The following RBPMS variants were observed in gnomAD, a reference collection of about 807,000 sequenced individuals.
RBPMS encodes RNA-binding protein with multiple splicing.
A neutral mutation model predicts 26.8 loss-of-function variants in RBPMS; 7 were observed. The ratio of observed to expected loss-of-function variants is 0.26; its 90% CI spans 0.15 to 0.49. The LOEUF is 0.49. Among genes scored for constraint, RBPMS ranks in the 20% least tolerant of loss-of-function variants. RBPMS has a pLI of 0.98. For missense variants in RBPMS, 186 were observed against 250.0 expected (o/e 0.74, Z 1.73); for synonymous variants, 96 against 93.3 (o/e 1.03, Z -0.17).
intron 7 of RBPMS, among the ~76,000 whole-genome samples, chr8:30,562,310 G>A (rs1166904115): frequency 2.8e-5 from 4 of 140,904 alleles, no homozygotes; most frequent in African/African-American, 7.9e-5. Context: ...TGGCCTGGGC[G>A]ACAGAGCAAG....
At chr8:30,503,549 A>G (rs180716018) in intron 4 of RBPMS, among the ~76,000 whole-genome samples, 90 of 150,460 alleles carry the variant, frequency 6.0e-4, no homozygotes, top group Admixed American at 1.1e-3. Flanking sequence ...ATGAGCCACA[A>G]CGCCCTGCCT....
chr8:30,499,473 G>T (rs1344299289), intron 4 of RBPMS, among the ~76,000 whole-genome samples: 1 of 152,028 alleles, frequency 6.6e-6, no homozygotes, highest in Non-Finnish European at 1.5e-5. Flanking sequence ...GAGAAACTTG[G>T]CAAATGATCA....
At chr8:30,453,890 T>G (rs1453986773) in intron 1 of RBPMS, 1 of 152,230 alleles carries the variant, frequency 6.6e-6, no homozygotes, top group Non-Finnish European at 1.5e-5. Context: ...CAAATGTGCT[T>G]GATCAGGAAG....
chr8:30,445,674 ATG>A (rs1813675390), intron 1 of RBPMS, among the ~76,000 whole-genome samples: 1 of 139,392 alleles, frequency 7.2e-6, no homozygotes. Context: ...ATATATATAT[ATG>A]TATTTTCCTG....
At position 30,456,261 on chromosome 8, in the gene RBPMS, C is replaced by T. The variant is rs565325730; in HGVS notation, c.67-18518C>T. ...AAATTTCTGATGAGTGGTATACTCT[C>T]CAGCAAAGATGAAGATATTTGGGCA... is the stretch of plus-strand genomic sequence containing the variant. On this transcript the variant is annotated intron_variant, in intron 1 of 8. Coordinates refer to ENST00000397323, the MANE Select transcript of RBPMS (RefSeq NM_001008710.3). 2.0e-5 allele frequency among the ~76,000 whole-genome samples: 3 copies of T among 152,198 alleles called. No homozygotes were observed. The South Asian group carries it at 6.2e-4, about 32-fold the overall frequency.
intron 1 of RBPMS, among the ~76,000 whole-genome samples, chr8:30,411,895 A>T (rs1359572134): frequency 2.0e-5 from 3 of 151,120 alleles, no homozygotes; most frequent in Non-Finnish European, 2.9e-5. Flanking sequence ...CTGAGGCAGG[A>T]GAATTGCTTG....
At chr8:30,498,289 CAG>C (rs1290460581) in intron 4 of RBPMS, among the ~76,000 whole-genome samples, 18 of 151,980 alleles carry the variant, frequency 1.2e-4, no homozygotes, top group Admixed American at 1.2e-3. Flanking sequence ...TTCAGTATCT[CAG>C]AAAGTCAAAG....
intron 4 of RBPMS, among the ~76,000 whole-genome samples, chr8:30,497,313 C>T (rs543137618): frequency 1.6e-4 from 25 of 152,226 alleles, no homozygotes; most frequent in Admixed American, 7.2e-4. Context: ...GAGGCTGAGG[C>T]AGGCAGATCA....
intron 8 of RBPMS, 45 bp downstream of exon 8, chr8:30,566,405 C>A: frequency 1.5e-6 from 1 of 648,252 alleles, no homozygotes; most frequent in Non-Finnish European, 1.9e-6. Flanking sequence ...GGCGGCATGG[C>A]GAACACGTGG....
At chr8:30,464,056 A>G (rs560009008) in intron 1 of RBPMS, among the ~76,000 whole-genome samples, 2 of 152,324 alleles carry the variant, frequency 1.3e-5, no homozygotes, top group South Asian at 4.1e-4. Flanking sequence ...TGACAGGCTT[A>G]GGCAGGAGGA....
chr8:30,500,560 A>G (rs1337051377), intron 4 of RBPMS, among the ~76,000 whole-genome samples: 10 of 152,188 alleles, frequency 6.6e-5, no homozygotes, highest in Non-Finnish European at 1.2e-4. Context: ...TTATTGTACC[A>G]CATAACCAAG....
intron 2 of RBPMS, among the ~76,000 whole-genome samples, chr8:30,475,379 C>G (rs535195166): frequency 6.6e-6 from 1 of 152,190 alleles, no homozygotes; most frequent in East Asian, 1.9e-4. Context: ...CCAAGCACTT[C>G]GTAGAAACTA....
intron 5 of RBPMS, among the ~76,000 whole-genome samples, chr8:30,511,589 AT>A (rs1821716833): frequency 6.8e-6 from 1 of 147,758 alleles, no homozygotes; most frequent in South Asian, 2.1e-4. Context: ...ATGTGTATAG[AT>A]ATATATATTT....
rs545586233 is a variant in RBPMS, at chr8:30,417,370, A to G, written c.66+32212A>G. 3.9e-5 allele frequency among the ~76,000 whole-genome samples: 6 copies of G among 152,322 alleles called. 2 individuals are homozygous for G. Among genetic ancestry groups the G allele is most frequent in the African/African-American group, 1.4e-4 (6 of 41,552 alleles). On this transcript the variant is annotated intron_variant, in intron 1 of 8. Coordinates refer to ENST00000397323, the MANE Select transcript of RBPMS (RefSeq NM_001008710.3). ...GTGAACCTTCACTACTTAGTCCCAG[A>G]TAACTGATTATCAGTGGTTGAAATC...
chr8:30,387,489 T>C (rs1232092968), intron 1 of RBPMS, among the ~76,000 whole-genome samples: 1 of 152,214 alleles, frequency 6.6e-6, no homozygotes, highest in Non-Finnish European at 1.5e-5. Context: ...ACCACTGCAC[T>C]GACCCTTTCC....
At chr8:30,472,397 G>A (rs540332578) in intron 1 of RBPMS, among the ~76,000 whole-genome samples, 4 of 152,312 alleles carry the variant, frequency 2.6e-5, no homozygotes, top group Admixed American at 2.6e-4. Context: ...GATTGCCTGG[G>A]GATGGAGAAT....
intron 6 of RBPMS, chr8:30,553,416 G>A (rs1459267651): frequency 6.6e-6 from 1 of 152,260 alleles, no homozygotes; most frequent in East Asian, 1.9e-4. Context: ...CCTATTCGAT[G>A]AGTTTGGAGT....
At chr8:30,479,106 TGAA>T (rs1277371014) in intron 3 of RBPMS, among the ~76,000 whole-genome samples, 1 of 152,184 alleles carries the variant, frequency 6.6e-6, no homozygotes, top group Non-Finnish European at 1.5e-5. Flanking sequence ...GCTGTGCTCT[TGAA>T]GAACTACCCT....
At chr8:30,472,369 T>C (rs1444693944) in intron 1 of RBPMS, among the ~76,000 whole-genome samples, 1 of 152,114 alleles carries the variant, frequency 6.6e-6, no homozygotes, top group Non-Finnish European at 1.5e-5. Flanking sequence ...TATACTAATA[T>C]AAAGAGATCA....
Sources: gnomAD v4.1 joint callset for allele counts (sites outside exome capture counted in the v4.1 genomes callset) on GRCh38, gnomAD v4.1.1 for gene constraint, MANE v1.5 for transcripts, NCBI Gene and HGNC (gene_info 2026-07-23, HGNC 2026-07-21) for gene names.